The following ZRANB3 variants were observed in gnomAD, a reference collection of about 807,000 sequenced individuals.
ZRANB3 encodes the protein zinc finger RANBP2-type containing 3.
A neutral mutation model predicts 133.8 loss-of-function variants in ZRANB3; 125 were observed. That is an observed-to-expected ratio of 0.93 (90% confidence interval 0.81 to 1.08). The LOEUF (loss-of-function observed/expected upper bound fraction) is 1.08. Among genes scored for constraint, ZRANB3 ranks in the 50% least tolerant of loss-of-function variants. ZRANB3 has a pLI of 0.00. For missense variants in ZRANB3, 1,229 were observed against 1,275.5 expected, an observed-to-expected ratio of 0.96 and a Z score of 0.56; for synonymous variants, 387 against 432.7, an observed-to-expected ratio of 0.89 and a Z score of 1.31.
chr2:135,363,204 T>C (rs1685766831), intron 3 of ZRANB3, among the ~76,000 whole-genome samples: 1 of 152,218 alleles, frequency 6.6e-6, no homozygotes, highest in Admixed American at 6.5e-5. Flanking sequence ...GATCTCGCAC[T>C]GTTGCCCAGG....
intron 8 of ZRANB3, among the ~76,000 whole-genome samples, chr2:135,294,714 G>C (rs1225953629): frequency 6.6e-6 from 1 of 151,954 alleles, no homozygotes; most frequent in Admixed American, 6.6e-5. Flanking sequence ...GATCTTTCCT[G>C]CTTTCTCTTG....
At chr2:135,267,264 G>C (rs1680295347) in intron 11 of ZRANB3, among the ~76,000 whole-genome samples, 1 of 152,112 alleles carries the variant, frequency 6.6e-6, no homozygotes. Flanking sequence ...TTGCTGGTGG[G>C]TACCTGCGGA....
At chr2:135,486,661 T>C (rs886386246) in intron 2 of ZRANB3, among the ~76,000 whole-genome samples, 4 of 152,154 alleles carry the variant, frequency 2.6e-5, no homozygotes, top group African/African-American at 9.7e-5. Flanking sequence ...TTACAGGTGG[T>C]TGCCAGCATG....
chr2:135,471,352 G>A (rs951293231), intron 2 of ZRANB3, among the ~76,000 whole-genome samples: 1 of 151,956 alleles, frequency 6.6e-6, no homozygotes, highest in Admixed American at 6.6e-5. Flanking sequence ...CAACACTTCA[G>A]CAATAAGATC....
At chr2:135,374,725 C>T (rs914275545) in intron 3 of ZRANB3, among the ~76,000 whole-genome samples, 2 of 152,080 alleles carry the variant, frequency 1.3e-5, no homozygotes, top group Non-Finnish European at 2.9e-5. Flanking sequence ...TGGTCTCAAA[C>T]TCTTGACCTC....
intron 2 of ZRANB3, among the ~76,000 whole-genome samples, chr2:135,458,399 A>G (rs1690619254): frequency 6.6e-6 from 1 of 150,534 alleles, no homozygotes; most frequent in African/African-American, 2.4e-5. Context: ...CAAGGCTGCA[A>G]AAAAAAAAGG....
chr2:135,294,022 A>T (rs1184362796), intron 8 of ZRANB3, among the ~76,000 whole-genome samples: 1 of 152,172 alleles, frequency 6.6e-6, no homozygotes, highest in Non-Finnish European at 1.5e-5. Context: ...GGATTTTTGC[A>T]TCAGTGTTCA....
chr2:135,433,337 T>C (rs1461217730), intron 2 of ZRANB3, among the ~76,000 whole-genome samples: 1 of 151,748 alleles, frequency 6.6e-6, no homozygotes, highest in East Asian at 1.9e-4. Flanking sequence ...CGGTGAACCG[T>C]ATTTGCACCA....
chr2:135,243,340 C>G (rs1325344355), intron 12 of ZRANB3, among the ~76,000 whole-genome samples: 1 of 152,084 alleles, frequency 6.6e-6, no homozygotes, highest in African/African-American at 2.4e-5. Flanking sequence ...ATGGTGAAAC[C>G]CCGTCTCTAC....
intron 8 of ZRANB3, among the ~76,000 whole-genome samples, chr2:135,299,033 T>G (rs1042761326): frequency 2.0e-5 from 3 of 152,120 alleles, no homozygotes; most frequent in African/African-American, 7.2e-5. Flanking sequence ...GGACAAGTAT[T>G]CCACTTTCTC....
intron 2 of ZRANB3, among the ~76,000 whole-genome samples, chr2:135,470,476 A>G (rs976337664): frequency 1.3e-5 from 2 of 152,110 alleles, no homozygotes; most frequent in Non-Finnish European, 2.9e-5. Flanking sequence ...ACCTGAAGTC[A>G]GGAGTTTGAG....
At chr2:135,416,941 C>T (rs1273678368) in intron 2 of ZRANB3, among the ~76,000 whole-genome samples, 4 of 152,108 alleles carry the variant, frequency 2.6e-5, no homozygotes, top group African/African-American at 9.7e-5. Context: ...TTCCTTACAC[C>T]TTATACAAAA....
chr2:135,345,468 CAA>C (rs113439308), intron 6 of ZRANB3, 80 bp downstream of exon 6: 224 of 817,014 alleles, frequency 2.7e-4, no homozygotes, highest in Admixed American at 3.7e-4. Flanking sequence ...GACTCTGTCT[CAA>C]AAAAAAAAAG....
chr2:135,383,809 C>G (rs183895092), intron 3 of ZRANB3, among the ~76,000 whole-genome samples: 1 of 152,142 alleles, frequency 6.6e-6, no homozygotes, highest in East Asian at 1.9e-4. Context: ...AACAAAGACA[C>G]AACATACCAG....
At chr2:135,496,493 A>T (rs1273244193) in intron 2 of ZRANB3, among the ~76,000 whole-genome samples, 1 of 152,034 alleles carries the variant, frequency 6.6e-6, no homozygotes, top group Admixed American at 6.6e-5. Context: ...CCATCACATA[A>T]AACAATAAAA....
At chr2:135,328,776 C>T (rs1040010858) in intron 6 of ZRANB3, among the ~76,000 whole-genome samples, 2 of 152,144 alleles carry the variant, frequency 1.3e-5, no homozygotes, top group African/African-American at 4.8e-5. Flanking sequence ...GAGATGGTAT[C>T]TCATTGTGGT....
chr2:135,469,028 GGA>G (rs1432305962), intron 2 of ZRANB3, among the ~76,000 whole-genome samples: 14 of 152,106 alleles, frequency 9.2e-5, no homozygotes, highest in African/African-American at 3.4e-4. Flanking sequence ...ATAAATCCAA[GGA>G]ATGATCACTA....
intron 1 of ZRANB3, among the ~76,000 whole-genome samples, chr2:135,507,659 C>CTTTTTTTTTTTTTTTTTTTTTTTTT (rs75194097): frequency 6.9e-6 from 1 of 145,220 alleles, no homozygotes; most frequent in African/African-American, 2.5e-5. Flanking sequence ...TTCAAGACTC[C>CTTTTTTTTTTTTTTTTTTTTTTTTT]TTTTTTTTTT....
chr2:135,407,713 T>G (rs1327317134), intron 2 of ZRANB3, among the ~76,000 whole-genome samples: 15 of 151,358 alleles, frequency 9.9e-5, no homozygotes, highest in African/African-American at 2.7e-4. Flanking sequence ...ACAAAAACAA[T>G]AAATGGGGAA....
Sources: gnomAD v4.1 joint callset for allele counts (sites outside exome capture counted in the v4.1 genomes callset) on GRCh38, gnomAD v4.1.1 for gene constraint, MANE v1.5 for transcripts, NCBI Gene and HGNC (gene_info 2026-07-23, HGNC 2026-07-21) for gene names.